Variants in PCSK2 observed in about 807,000 individuals in gnomAD.
The protein encoded by PCSK2 is neuroendocrine convertase 2.
In PCSK2, 14 loss-of-function variants were observed where a neutral mutation model predicts 69.7. The observed-to-expected ratio is 0.20, with a 90% CI of 0.13 to 0.31. The LOEUF (loss-of-function observed/expected upper bound fraction) is 0.31. Among genes scored for constraint, PCSK2 ranks in the 10% least tolerant of loss-of-function variants. The probability of loss-of-function intolerance (pLI) is 1.00; values close to 1 mark genes in which losing one functional copy is unlikely to be tolerated. For synonymous variants in PCSK2, 307 were observed against 320.7 expected (o/e 0.96, Z 0.46); for missense variants, 544 against 842.5 (o/e 0.65, Z 4.39).
chr20:17,229,768 G>C (rs1986079523), intron 1 of PCSK2, among the ~76,000 whole-genome samples: 1 of 151,980 alleles, frequency 6.6e-6, no homozygotes, highest in African/African-American at 2.4e-5. Flanking sequence ...ACCTCCTTTT[G>C]GATCCATGTC....
At chr20:17,369,407 C>A (rs1239111437) in intron 5 of PCSK2, 130 bp downstream of exon 5, 3 of 744,282 alleles carry the variant, frequency 4.0e-6, no homozygotes, top group Non-Finnish European at 7.3e-6. Context: ...TGCACACACA[C>A]ACACACACAG....
chr20:17,227,243 T>A lies in PCSK2; in HGVS notation c.-63T>A. On this transcript the variant is annotated 5_prime_UTR_variant, in exon 1 of 12. Transcript: ENST00000262545. ...AAGAATTCTTTATTTGCACCCTCCC[T>A]CCGAGTCCCCTGCTCCGCCAGCCTG... 8.3e-7 allele frequency: 1 copy of A among 1,197,888 alleles called. No homozygotes were observed. Among genetic ancestry groups the A allele is most frequent in the African/African-American group, 1.5e-5 (1 of 66,068 alleles). 74.2% of individuals were successfully genotyped at this position (1,197,888 alleles called of 1,614,324 possible).
intron 2 of PCSK2, among the ~76,000 whole-genome samples, chr20:17,327,823 C>A (rs1368495475): frequency 6.6e-6 from 1 of 152,172 alleles, no homozygotes; most frequent in Non-Finnish European, 1.5e-5. Flanking sequence ...AGCAAACACA[C>A]CATTAATTTC....
At chr20:17,479,436 G>A (rs2033351506) in intron 11 of PCSK2, 1 of 582,532 alleles carries the variant, frequency 1.7e-6, no homozygotes, top group African/African-American at 1.9e-5. Context: ...CTCCATGGTA[G>A]CGCCTGTTCT....
At chr20:17,380,838 G>A (rs779869497) in intron 5 of PCSK2, among the ~76,000 whole-genome samples, 70 of 152,336 alleles carry the variant, frequency 4.6e-4, no homozygotes, top group Middle Eastern at 3.4e-3. Flanking sequence ...CAATTAGTGC[G>A]TTATTCTAAG....
chr20:17,465,128 AG>A (rs1393079987), intron 10 of PCSK2, 197 bp from the exon 11 acceptor site: 1 of 597,970 alleles, frequency 1.7e-6, no homozygotes, highest in African/African-American at 1.8e-5. Flanking sequence ...AAAAGCAAGA[AG>A]ATTTCTTTAA....
intron 2 of PCSK2, among the ~76,000 whole-genome samples, chr20:17,353,112 G>A (rs1248578098): frequency 2.6e-5 from 4 of 152,092 alleles, no homozygotes; most frequent in African/African-American, 2.4e-5. Flanking sequence ...TTGCAGAAAA[G>A]CAAATCAAAA....
rs1022144314 is a variant in PCSK2 at position 17,453,328 on chromosome 20, A to G, written c.886-414A>G. Among the ~76,000 whole-genome samples the G allele has an allele frequency of 2.6e-5, 4 of 152,232 alleles. No individual in the cohort carries two copies. Among genetic ancestry groups the G allele is most frequent in the Non-Finnish European group, 5.9e-5 (4 of 68,030 alleles). ...CATATACTTGCATTTTCACTAAAAA[A>G]TGTCTGATACATAAAGAGATGTAAG... On this transcript the variant is annotated intron_variant, in intron 8 of 11. Transcript: ENST00000262545. The surrounding 1 kb of genome is among the most constrained non-coding windows in gnomAD (Gnocchi z 4.0).
At chr20:17,252,348 T>G (rs1288758662) in intron 1 of PCSK2, among the ~76,000 whole-genome samples, 1 of 152,186 alleles carries the variant, frequency 6.6e-6, no homozygotes, top group Non-Finnish European at 1.5e-5. Context: ...GTCTAAGAAA[T>G]ATTCCCCAAG....
chr20:17,412,235 G>C (rs2031891330), intron 6 of PCSK2, among the ~76,000 whole-genome samples: 1 of 152,172 alleles, frequency 6.6e-6, no homozygotes, highest in South Asian at 2.1e-4. Flanking sequence ...ACTTGTCCAA[G>C]CTAAAGGAGC....
intron 10 of PCSK2, chr20:17,465,034 A>T (rs926808299): frequency 3.1e-5 from 13 of 422,848 alleles, no homozygotes; most frequent in African/African-American, 8.0e-5. Context: ...CATCTTCAAC[A>T]CTTAACATTG....
At chr20:17,387,773 G>A (rs1335920220) in intron 5 of PCSK2, among the ~76,000 whole-genome samples, 3 of 152,152 alleles carry the variant, frequency 2.0e-5, no homozygotes, top group East Asian at 1.9e-4. Flanking sequence ...ACTGGGAGGC[G>A]GGGACAAGTG....
chr20:17,325,472 C>T (rs961855849), intron 2 of PCSK2, among the ~76,000 whole-genome samples: 3 of 152,212 alleles, frequency 2.0e-5, no homozygotes, highest in Admixed American at 2.0e-4. Context: ...ACCTTGATTA[C>T]ATGTTCCCAA....
In PCSK2 at chr20:17,463,584, G is replaced by T. The variant is rs570890999; in HGVS notation, c.1203-1742G>T. The T allele has an allele frequency of 7.9e-5, 12 of 151,044 alleles. No individual in the cohort carries two copies. In the East Asian group the frequency reaches 2.3e-3, roughly 29 times the overall value. The allele number at this position is 151,044 out of a possible 1,614,324, so 9.4% of individuals were successfully genotyped here. ...GCAGGTTTGTTACGTATGTATACAT[G>T]TGCCATGTTGGTTTGCTGCACCCAT... On this transcript the variant is annotated intron_variant, in intron 10 of 11. Coordinates refer to ENST00000262545, the MANE Select transcript of PCSK2 (RefSeq NM_002594.5).
chr20:17,298,556 G>A (rs1290368253), intron 2 of PCSK2, among the ~76,000 whole-genome samples: 1 of 152,120 alleles, frequency 6.6e-6, no homozygotes, highest in Admixed American at 6.5e-5. Context: ...CCATTTTAGA[G>A]GTTTTGTGGC....
At chr20:17,325,567 C>T (rs1042130746) in intron 2 of PCSK2, among the ~76,000 whole-genome samples, 6 of 152,206 alleles carry the variant, frequency 3.9e-5, no homozygotes, top group Non-Finnish European at 7.3e-5. Flanking sequence ...TCTCAATTAA[C>T]TATTGCTACG....
Position 17,227,526 on chromosome 20 carries a change from G to A in PCSK2, c.177+44G>A, listed in dbSNP as rs764118391. On this transcript the variant is annotated intron_variant, in intron 1 of 11. Coordinates refer to ENST00000262545, the MANE Select transcript of PCSK2 (RefSeq NM_002594.5). ...TTCGCATGTTGTTTCAAAACGGGGG[G>A]ACGGGGGGGCAGCCCTGCGCAATCT... 6.6e-6 allele frequency: 10 copies of A among 1,508,292 alleles called. No individual in the cohort carries two copies. The East Asian group carries it at 1.1e-4, about 17-fold the overall frequency. 93.4% of individuals were successfully genotyped at this position (1,508,292 alleles called of 1,614,324 possible). A position where few individuals can be genotyped will look rare whatever the true frequency, so the allele number is the denominator to read the frequency against.
At chr20:17,302,656 G>T (rs548476903) in intron 2 of PCSK2, among the ~76,000 whole-genome samples, 1 of 152,284 alleles carries the variant, frequency 6.6e-6, no homozygotes. Flanking sequence ...TTCATGGGTA[G>T]ACAGCCCTGT....
intron 11 of PCSK2, among the ~76,000 whole-genome samples, chr20:17,472,817 T>A (rs1367064675): frequency 1.3e-5 from 2 of 152,184 alleles, no homozygotes; most frequent in Non-Finnish European, 2.9e-5. Flanking sequence ...TCCGCCTGCC[T>A]TGGCCTCCCA....
Sources: gnomAD v4.1 joint callset for allele counts (sites outside exome capture counted in the v4.1 genomes callset) on GRCh38, gnomAD v4.1.1 for gene constraint, Gnocchi (gnomAD v3.1) non-coding constraint, MANE v1.5 for transcripts, NCBI Gene and HGNC (gene_info 2026-07-23, HGNC 2026-07-21) for gene names.